The following SLIT3 variants were observed in gnomAD, a reference collection of about 807,000 sequenced individuals.
SLIT3 encodes the protein slit homolog 3 protein.
Under a neutral mutation model 184.0 loss-of-function variants are expected in SLIT3, and 68 were observed. The observed-to-expected ratio is 0.37, with a 90% CI of 0.30 to 0.45. The LOEUF (loss-of-function observed/expected upper bound fraction) is 0.45, where lower values mean the gene tolerates loss of function less well. SLIT3 is among the 20% of genes least tolerant of loss of function. The probability of loss-of-function intolerance (pLI) is 1.00; values close to 1 mark genes in which losing one functional copy is unlikely to be tolerated. For synonymous variants in SLIT3, 831 were observed against 828.6 expected (o/e 1.00, Z -0.05); for missense variants, 1,707 against 2,026.0 (o/e 0.84, Z 3.02).
intron 23 of SLIT3, among the ~76,000 whole-genome samples, chr5:168,718,677 TACACACAC>T (rs1163238928): frequency 0.011 from 1,225 of 108,646 alleles, 11 homozygotes; most frequent in Middle Eastern, 0.027. Context: ...TATCCACCCA[TACACACAC>T]ACACACACAC....
chr5:168,802,678 T>C (rs1264878276), intron 9 of SLIT3, among the ~76,000 whole-genome samples: 1 of 152,186 alleles, frequency 6.6e-6, no homozygotes, highest in Non-Finnish European at 1.5e-5. Flanking sequence ...TACGGAGGGA[T>C]CTTTTGTGTA....
intron 4 of SLIT3, among the ~76,000 whole-genome samples, chr5:169,091,276 C>T (rs763570209): frequency 1.3e-5 from 2 of 152,190 alleles, no homozygotes; most frequent in Non-Finnish European, 2.9e-5. Context: ...ATAAGCCAGC[C>T]CTTACCTCCC....
At chr5:168,668,182 C>T (rs1207441439) in intron 35 of SLIT3, among the ~76,000 whole-genome samples, 8 of 152,088 alleles carry the variant, frequency 5.3e-5, no homozygotes, top group Non-Finnish European at 1.0e-4. Flanking sequence ...ATATAATTTC[C>T]TTTGTTTAGG....
chr5:168,964,939 T>C (rs972986697), intron 4 of SLIT3, among the ~76,000 whole-genome samples: 3 of 152,126 alleles, frequency 2.0e-5, no homozygotes, highest in African/African-American at 7.2e-5. Flanking sequence ...CCAAAAGCAG[T>C]CTGCAGGTCA....
chr5:168,825,806 T>A (rs912891245), intron 6 of SLIT3, among the ~76,000 whole-genome samples: 2 of 152,224 alleles, frequency 1.3e-5, no homozygotes, highest in Non-Finnish European at 2.9e-5. Context: ...GGGAGCTTCC[T>A]GGGGGTGAGG....
Position 169,214,975 on chromosome 5 carries a change from A to G in SLIT3, c.342-21425T>C, listed in dbSNP as rs145441018. On this transcript the variant is annotated intron_variant, in intron 3 of 35. Coordinates refer to ENST00000519560, the MANE Select transcript of SLIT3 (RefSeq NM_003062.4). Reference sequence around the variant, plus strand: ...GCCATCTTCCCTCCGCATTACTGAAAGGGGCACCTCCTTGCCTCCAGTCTC... The same window carrying G: ...GCCATCTTCCCTCCGCATTACTGAAGGGGGCACCTCCTTGCCTCCAGTCTC... 2.4e-4 allele frequency among the ~76,000 whole-genome samples: 36 copies of G among 152,264 alleles called. No individual in the cohort carries two copies. The East Asian group carries it at 6.8e-3, about 29-fold the overall frequency.
rs1008599119 is a variant in SLIT3 at position 168,665,226 on chromosome 5, G to A, written c.*1228C>T. 6.6e-6 allele frequency: 1 copy of A among 152,176 alleles called. No homozygotes were observed. Among genetic ancestry groups the A allele is most frequent in the South Asian group, 2.1e-4 (1 of 4,826 alleles). The allele number at this position is 152,176 out of a possible 1,614,324, so 9.4% of individuals were successfully genotyped here. A position where few individuals can be genotyped will look rare whatever the true frequency, so the allele number is the denominator to read the frequency against. On this transcript the variant is annotated 3_prime_UTR_variant, in exon 36 of 36. Coordinates refer to ENST00000519560, the MANE Select transcript of SLIT3 (RefSeq NM_003062.4). ...CCCTTATCCTTCCCAGGGAGGCAGG[G>A]GTTGCATAGATAAAATAAGGTAAAG...
chr5:169,076,085 C>G (rs1428363144), intron 4 of SLIT3, among the ~76,000 whole-genome samples: 1 of 152,208 alleles, frequency 6.6e-6, no homozygotes, highest in Non-Finnish European at 1.5e-5. Flanking sequence ...GGTGGCCCAC[C>G]AAGGGCAGGA....
intron 32 of SLIT3, among the ~76,000 whole-genome samples, chr5:168,678,777 A>G (rs1395956929): frequency 6.9e-6 from 1 of 144,924 alleles, no homozygotes; most frequent in African/African-American, 2.9e-5. Flanking sequence ...AAGTAGAGGA[A>G]AAAAAAGGAA....
At position 168,696,306 on chromosome 5, in the gene SLIT3, G is replaced by A. The variant is rs139352083; in HGVS notation, c.3068C>T (p.Pro1023Leu). ...DGINNYVCIC[P>L]PNYTGELCDE... ...GAGATCCTTACCTGTGTAGTTAGGC[G>A]GACAGATACACACGTAGTTGTTGAT... Residue 1023 changes from proline to leucine, a missense_variant, in exon 28 of 36, where the codon CCG (proline) becomes CTG (leucine). Pro to Leu is a moderately conservative substitution (Grantham distance 98). Transcript: ENST00000519560. 4.6e-5 allele frequency: 74 copies of A among 1,614,006 alleles called. No homozygotes were observed. Among genetic ancestry groups the A allele is most frequent in the Middle Eastern group, 3.3e-4 (2 of 6,084 alleles).
intron 4 of SLIT3, among the ~76,000 whole-genome samples, chr5:169,058,946 C>CCAGGAAGCCA (rs1264433883): frequency 6.6e-5 from 10 of 152,280 alleles, no homozygotes; most frequent in Admixed American, 2.0e-4. Flanking sequence ...ATGTTGGGCA[C>CCAGGAAGCCA]CTTTGCACAA....
intron 6 of SLIT3, among the ~76,000 whole-genome samples, chr5:168,838,956 C>G (rs1452580753): frequency 6.6e-6 from 1 of 152,094 alleles, no homozygotes; most frequent in Non-Finnish European, 1.5e-5. Flanking sequence ...GGAACAAGAA[C>G]CAGGGCAGGT....
At chr5:169,139,630 G>A (rs1008594123) in intron 4 of SLIT3, among the ~76,000 whole-genome samples, 2 of 152,150 alleles carry the variant, frequency 1.3e-5, no homozygotes, top group African/African-American at 4.8e-5. Flanking sequence ...CAAAACATGG[G>A]TATAAGGAAC....
chr5:169,054,360 G>C (rs1757916520), intron 4 of SLIT3, among the ~76,000 whole-genome samples: 3 of 152,114 alleles, frequency 2.0e-5, no homozygotes, highest in Admixed American at 1.3e-4. Flanking sequence ...GCTTTGGAGA[G>C]AGCCTGGCCC....
intron 4 of SLIT3, among the ~76,000 whole-genome samples, chr5:169,136,409 C>T (rs1761503504): frequency 6.6e-6 from 1 of 152,198 alleles, no homozygotes; most frequent in Non-Finnish European, 1.5e-5. Flanking sequence ...TCACAAAGGA[C>T]TCCTGCCACT....
intron 23 of SLIT3, among the ~76,000 whole-genome samples, chr5:168,721,836 A>AT (rs1228664235): frequency 6.6e-6 from 1 of 152,166 alleles, no homozygotes; most frequent in Non-Finnish European, 1.5e-5. Flanking sequence ...AGCTGTTTCC[A>AT]TGCAGAGGTT....
At chr5:169,249,503 C>T (rs879533111) in intron 2 of SLIT3, among the ~76,000 whole-genome samples, 14 of 152,082 alleles carry the variant, frequency 9.2e-5, no homozygotes, top group Admixed American at 6.5e-4. Flanking sequence ...TCTGATGTAA[C>T]GCTAAGAAAA....
chr5:169,245,755 T>C (rs1324345539), intron 2 of SLIT3, among the ~76,000 whole-genome samples: 1 of 152,168 alleles, frequency 6.6e-6, no homozygotes, highest in Non-Finnish European at 1.5e-5. Flanking sequence ...GAAGGCTGCA[T>C]CTTTATATCA....
intron 18 of SLIT3, among the ~76,000 whole-genome samples, chr5:168,751,366 A>G (rs944120706): frequency 6.6e-6 from 1 of 152,238 alleles, no homozygotes; most frequent in African/African-American, 2.4e-5. Context: ...ACAGAGCCAC[A>G]TGGAAATACG....
Sources: gnomAD v4.1 joint callset for allele counts (sites outside exome capture counted in the v4.1 genomes callset) on GRCh38, gnomAD v4.1.1 for gene constraint, MANE v1.5 for transcripts, NCBI Gene and HGNC (gene_info 2026-07-23, HGNC 2026-07-21) for gene names.